The following SHMT1 variants were observed in gnomAD, a reference collection of about 807,000 sequenced individuals.
SHMT1 encodes serine hydroxymethyltransferase 1, also known as serine hydroxymethyltransferase, cytosolic.
In SHMT1, 45 loss-of-function variants were observed where a neutral mutation model predicts 49.0. The observed-to-expected ratio is 0.92, with a 90% CI of 0.72 to 1.18. The LOEUF is 1.18. Ranked by LOEUF, SHMT1 falls within the 50% of genes most tolerant of loss-of-function variation. The pLI is 0.00. For missense variants in SHMT1, 541 were observed against 612.4 expected, an observed-to-expected ratio of 0.88 and a Z score of 1.23; for synonymous variants, 232 against 246.6, an observed-to-expected ratio of 0.94 and a Z score of 0.55.
rs185292746 is a variant in SHMT1 at position 18,336,202 on chromosome 17, G to A, written c.815-527C>T. Among the ~76,000 whole-genome samples the A allele has an allele frequency of 7.2e-5, 11 of 151,900 alleles. 1 individual carries two copies. Among genetic ancestry groups the A allele is most frequent in the African/African-American group, 2.7e-4 (11 of 41,372 alleles). ...TGAGGCAGAAGAATCGCTTGAACCCGGGAGGCAGAGGTTGCAGTGAGCCAA... is the reference window on the plus strand; with the variant it reads ...TGAGGCAGAAGAATCGCTTGAACCCAGGAGGCAGAGGTTGCAGTGAGCCAA... On this transcript the variant is annotated intron_variant, in intron 7 of 11. Transcript: ENST00000316694.
chr17:18,351,554 C>T (rs879869238), intron 3 of SHMT1, among the ~76,000 whole-genome samples: 1 of 151,654 alleles, frequency 6.6e-6, no homozygotes, highest in Admixed American at 6.6e-5. Context: ...GTCAGGAGAT[C>T]GAGACCAGCC....
chr17:18,342,555 C>T (rs747017694), intron 5 of SHMT1, among the ~76,000 whole-genome samples: 3 of 151,944 alleles, frequency 2.0e-5, no homozygotes, highest in Non-Finnish European at 4.4e-5. Flanking sequence ...CTCAAGTGAG[C>T]CTCCTACCTC....
chr17:18,357,768 C>A (rs997434060), intron 1 of SHMT1, among the ~76,000 whole-genome samples: 14 of 151,832 alleles, frequency 9.2e-5, no homozygotes, highest in Admixed American at 3.9e-4. Context: ...CTTTGGGAGG[C>A]CAGGAGTTCA....
chr17:18,348,377 C>A lies in SHMT1; in HGVS notation c.306G>T (p.Gln102His). The A allele has an allele frequency of 6.2e-7, 1 of 1,614,084 alleles. No individual in the cohort carries two copies. Among genetic ancestry groups the A allele is most frequent in the Non-Finnish European group, 8.5e-7 (1 of 1,179,948 alleles). Residue 102 changes from glutamine to histidine, a missense_variant, in exon 4 of 12, where the codon CAG becomes CAT. Physicochemically the swap from Gln to His is conservative, Grantham distance 24. Transcript: ENST00000316694. Reference sequence around the variant, plus strand: ...AGCACTGTGGGTCCAGCTTATAGGCCTGCAGGGCTCGCTTCTGACAGAGGG... The same window carrying A: ...AGCACTGTGGGTCCAGCTTATAGGCATGCAGGGCTCGCTTCTGACAGAGGG... ...LETLCQKRAL[Q>H]AYKLDPQCWG...
Position 18,347,502 on chromosome 17 carries a change from G to A in SHMT1, c.513C>T (p.Pro171=). The A allele has an allele frequency of 3.1e-6, 5 of 1,614,132 alleles. No individual in the cohort carries two copies. The highest frequency in any genetic ancestry group is 4.2e-6 in the Non-Finnish European group (5 of 1,180,028). ...GAGAGAAACACATGCTTACCTTGTA[G>A]GGCATAGATTCAAAGAAGATGGACG... ...SATSIFFESM[P]YKVNPDTGYI... is the part of the protein sequence containing the mutation. Residue 171 remains proline, a synonymous_variant, in exon 5 of 12, where the codon CCC becomes CCT. Transcript: ENST00000316694.
At chr17:18,338,965 T>G (rs1393845721) in intron 7 of SHMT1, among the ~76,000 whole-genome samples, 2 of 149,368 alleles carry the variant, frequency 1.3e-5, no homozygotes, top group East Asian at 4.0e-4. Context: ...CACTTGTTTA[T>G]CTGCTGACCT....
In SHMT1 at chr17:18,334,766, G is replaced by A. The variant is rs552501604; in HGVS notation, c.931+793C>T. On this transcript the variant is annotated intron_variant, in intron 8 of 11. Coordinates refer to ENST00000316694, the MANE Select transcript of SHMT1 (RefSeq NM_004169.5). ...ACTTGTGAAAACAACTGGAAAGGGC[G>A]TCCAGAGCAGCTGGGGATGGGGTGA... Among the ~76,000 whole-genome samples the A allele has an allele frequency of 2.3e-4, 35 of 152,314 alleles. 1 individual carries two copies. The South Asian group carries it at 5.4e-3, about 23-fold the overall frequency.
intron 3 of SHMT1, among the ~76,000 whole-genome samples, chr17:18,349,767 T>C (rs1330750179): frequency 6.6e-6 from 1 of 151,912 alleles, no homozygotes; most frequent in Non-Finnish European, 1.5e-5. Flanking sequence ...ACATTTGTAA[T>C]CTCAGCACTT....
intron 2 of SHMT1, among the ~76,000 whole-genome samples, chr17:18,354,637 T>C (rs1356745293): frequency 6.6e-6 from 1 of 152,106 alleles, no homozygotes; most frequent in Admixed American, 6.6e-5. Context: ...AAGTTATCTT[T>C]AAGTGTCCCA....
chr17:18,347,476 G>C lies in SHMT1; in HGVS notation c.519+20C>G. On this transcript the variant is annotated intron_variant, in intron 5 of 11. Coordinates refer to ENST00000316694, the MANE Select transcript of SHMT1 (RefSeq NM_004169.5). ...AGGTTTCCCAAGGAAATAAAAGCTA[G>C]GAGAGAAACACATGCTTACCTTGTA... 6.2e-7 allele frequency: 1 copy of C among 1,613,266 alleles called. No homozygotes were observed. The highest frequency in any genetic ancestry group is 8.5e-7 in the Non-Finnish European group (1 of 1,179,740).
At chr17:18,330,468 G>A (rs575866580) in intron 10 of SHMT1, 87 bp downstream of exon 10, 38 of 1,000,954 alleles carry the variant, frequency 3.8e-5, no homozygotes, top group Middle Eastern at 4.7e-4. Flanking sequence ...GTCTGTCCCC[G>A]GAGCCAATAT....
chr17:18,333,091 T>G, intron 9 of SHMT1, 75 bp downstream of exon 9: 1 of 1,578,852 alleles, frequency 6.3e-7, no homozygotes, highest in Non-Finnish European at 8.7e-7. Context: ...GGCCACATCC[T>G]GGTTGCACAA....
chr17:18,343,516 G>A (rs1249522251), intron 5 of SHMT1, among the ~76,000 whole-genome samples: 2 of 148,858 alleles, frequency 1.3e-5, no homozygotes, highest in Non-Finnish European at 3.0e-5. Flanking sequence ...GCTGAGGGAG[G>A]AGAATCGCTT....
Position 18,347,504 on chromosome 17 carries a change from G to A in SHMT1, c.511C>T (p.Pro171Ser). ...SATSIFFESM[P>S]YKVNPDTGYI... Reference sequence around the variant, plus strand: ...GAGAAACACATGCTTACCTTGTAGGGCATAGATTCAAAGAAGATGGACGTG... The same window carrying A: ...GAGAAACACATGCTTACCTTGTAGGACATAGATTCAAAGAAGATGGACGTG... Residue 171 changes from proline to serine, a missense_variant, in exon 5 of 12, where the codon CCC (proline) becomes TCC (serine). Physicochemically the swap from Pro to Ser is moderately conservative, Grantham distance 74. Coordinates refer to ENST00000316694, the MANE Select transcript of SHMT1 (RefSeq NM_004169.5). 6.2e-7 allele frequency: 1 copy of A among 1,614,080 alleles called. No individual in the cohort carries two copies. Among genetic ancestry groups the A allele is most frequent in the Non-Finnish European group, 8.5e-7 (1 of 1,179,992 alleles).
chr17:18,337,841 C>T (rs1157562193), intron 7 of SHMT1, among the ~76,000 whole-genome samples: 14 of 152,156 alleles, frequency 9.2e-5, no homozygotes, highest in African/African-American at 2.7e-4. Context: ...CCCGAGGTGC[C>T]GGGATTGCAG....
At chr17:18,338,144 C>T (rs987023305) in intron 7 of SHMT1, among the ~76,000 whole-genome samples, 14 of 151,238 alleles carry the variant, frequency 9.3e-5, no homozygotes, top group Non-Finnish European at 1.6e-4. Context: ...TCTGCCCGGC[C>T]GCCCATCATC....
Position 18,347,544 on chromosome 17 carries a change from C to G in SHMT1, c.471G>C (p.Lys157Asn), listed in dbSNP as rs142211553. The stretch of plus-strand genomic sequence containing the variant: ...AGATGGACGTGGCAGAGATTTTCTT[C>G]TTGTCTGTCATGAACCCATGGGTCA... ...GHLTHGFMTD[K>N]KKISATSIFF... is the part of the protein sequence containing the mutation. The change falls in exon 5 of 12, where the codon AAG becomes AAC. Residue 157 changes from lysine (K) to asparagine (N), a missense_variant. Lys to Asn is a moderately conservative substitution (Grantham distance 94). Transcript: ENST00000316694. 6.2e-7 allele frequency: 1 copy of G among 1,614,072 alleles called. No homozygotes were observed. Among genetic ancestry groups the G allele is most frequent in the African/African-American group, 1.3e-5 (1 of 74,932 alleles).
chr17:18,361,068 G>C (rs1258803478), intron 1 of SHMT1, among the ~76,000 whole-genome samples: 1 of 151,974 alleles, frequency 6.6e-6, no homozygotes, highest in Non-Finnish European at 1.5e-5. Flanking sequence ...CACTTTGGGA[G>C]GCCAAGGCGG....
chr17:18,329,786 G>A (rs1982980310), intron 10 of SHMT1, among the ~76,000 whole-genome samples: 1 of 152,140 alleles, frequency 6.6e-6, no homozygotes, highest in Non-Finnish European at 1.5e-5. Flanking sequence ...TTTGCTCCCT[G>A]GCAGGGTCAG....
Sources: gnomAD v4.1 joint callset for allele counts (sites outside exome capture counted in the v4.1 genomes callset) on GRCh38, gnomAD v4.1.1 for gene constraint, MANE v1.5 for transcripts, NCBI Gene and HGNC (gene_info 2026-07-23, HGNC 2026-07-21) for gene names.